TEX9: variants seen among roughly 807,000 people sequenced by gnomAD.
The protein encoded by TEX9 is testis expressed 9.
TEX9 carries 74 observed loss-of-function variants against 59.6 expected under a neutral mutation model. The ratio of observed to expected loss-of-function variants is 1.24; its 90% CI spans 1.03 to 1.51. The LOEUF (loss-of-function observed/expected upper bound fraction) is 1.51. Ranked by LOEUF, TEX9 falls within the 40% of genes most tolerant of loss-of-function variation. The pLI is 0.00. For missense variants in TEX9, 522 were observed against 447.8 expected (o/e 1.17, Z -1.49); for synonymous variants, 186 against 152.2 (o/e 1.22, Z -1.64).
At chr15:56,300,709 GAGAGA>G (rs2045334968) in intron 1 of TEX9, among the ~76,000 whole-genome samples, 16 of 38,772 alleles carry the variant, frequency 4.1e-4, no homozygotes, top group Admixed American at 3.7e-3. Context: ...GAGAGAGAGG[GAGAGA>G]GAGAGAGAGA....
chr15:56,379,808 C>T (rs2047641513), intron 3 of TEX9, among the ~76,000 whole-genome samples: 1 of 149,876 alleles, frequency 6.7e-6, no homozygotes, highest in South Asian at 2.1e-4. Context: ...TTTGTCTCTT[C>T]TTACATTTTT....
intron 1 of TEX9, among the ~76,000 whole-genome samples, chr15:56,340,636 T>C (rs1250694444): frequency 6.6e-6 from 1 of 152,190 alleles, no homozygotes; most frequent in Non-Finnish European, 1.5e-5. Context: ...CTCTATGCTC[T>C]ACTTCCCTTG....
intron 1 of TEX9, among the ~76,000 whole-genome samples, chr15:56,350,680 C>T (rs1377637444): frequency 6.6e-6 from 1 of 152,142 alleles, no homozygotes; most frequent in Non-Finnish European, 1.5e-5. Context: ...CAATCCTGGT[C>T]CCATAAATAT....
At chr15:56,433,004 CAT>C (rs2050639189) in intron 12 of TEX9, among the ~76,000 whole-genome samples, 1 of 152,118 alleles carries the variant, frequency 6.6e-6, no homozygotes, top group Non-Finnish European at 1.5e-5. Context: ...ACGGATGAGA[CAT>C]AAATAAGTCA....
intron 1 of TEX9, among the ~76,000 whole-genome samples, chr15:56,300,179 A>G (rs2045310229): frequency 6.6e-6 from 1 of 151,780 alleles, no homozygotes; most frequent in Non-Finnish European, 1.5e-5. Flanking sequence ...AGCATTCACC[A>G]CAAGCTGAAG....
chr15:56,373,039 T>G (rs1181601224), intron 2 of TEX9, among the ~76,000 whole-genome samples: 1 of 152,156 alleles, frequency 6.6e-6, no homozygotes, highest in African/African-American at 2.4e-5. Flanking sequence ...CCCCATACCG[T>G]GCCCACTTCT....
At chr15:56,265,135 T>C (rs2044350452) in intron 1 of TEX9, among the ~76,000 whole-genome samples, 1 of 152,022 alleles carries the variant, frequency 6.6e-6, no homozygotes, top group African/African-American at 2.4e-5. Flanking sequence ...GATCATTGAT[T>C]TGAGAACTTT....
chr15:56,254,456 TGA>T (rs1266996650), intron 1 of TEX9, among the ~76,000 whole-genome samples: 1 of 151,828 alleles, frequency 6.6e-6, no homozygotes, highest in African/African-American at 2.4e-5. Context: ...CTGTGGATTC[TGA>T]GAGCCAACAG....
chr15:56,250,930 T>C (rs1017158048), intron 1 of TEX9, among the ~76,000 whole-genome samples: 2 of 152,234 alleles, frequency 1.3e-5, no homozygotes, highest in Admixed American at 6.5e-5. Flanking sequence ...GAGTATGATT[T>C]GAATAGCTGG....
exon 6 of TEX9, chr15:56,389,338 T>A: frequency 6.2e-7 from 1 of 1,611,196 alleles, no homozygotes; most frequent in South Asian, 1.1e-5. Flanking sequence ...AAAACATTGA[T>A]CCTGTAAACA....
At chr15:56,257,907 GTTT>G (rs2044179684) in intron 1 of TEX9, among the ~76,000 whole-genome samples, 1 of 152,018 alleles carries the variant, frequency 6.6e-6, no homozygotes, top group Admixed American at 6.6e-5. Context: ...TTCTTCTAGG[GTTT>G]TTATAGTTTT....
At chr15:56,454,922 T>G in the TEX9 span, among the ~76,000 whole-genome samples, 3 of 152,156 alleles carry the variant, frequency 2.0e-5, no homozygotes, top group Non-Finnish European at 4.4e-5. Flanking sequence ...AAACACACAC[T>G]AAAGTGCACA....
At chr15:56,433,768 G>C (rs1274904009) in intron 12 of TEX9, among the ~76,000 whole-genome samples, 2 of 152,050 alleles carry the variant, frequency 1.3e-5, no homozygotes, top group Admixed American at 6.6e-5. Context: ...AGCATGCAGG[G>C]TGTTCATGAT....
downstream of TEX9, among the ~76,000 whole-genome samples, chr15:56,450,755 T>C (rs1256631773): frequency 1.3e-5 from 2 of 152,228 alleles, no homozygotes; most frequent in African/African-American, 2.4e-5. Context: ...TTGAATTTTT[T>C]GTATATTTAT....
chr15:56,296,515 A>G (rs2045222368), intron 1 of TEX9, among the ~76,000 whole-genome samples: 1 of 152,222 alleles, frequency 6.6e-6, no homozygotes, highest in Non-Finnish European at 1.5e-5. Flanking sequence ...TAACATTTAA[A>G]AAGAATTATT....
At chr15:56,260,207 C>T (rs1229914588) in intron 1 of TEX9, among the ~76,000 whole-genome samples, 1 of 151,996 alleles carries the variant, frequency 6.6e-6, no homozygotes, top group Non-Finnish European at 1.5e-5. Context: ...TTCCTTCTTT[C>T]CAACCTCACA....
rs186498092 is a variant in TEX9, at chr15:56,269,683, C to T, written c.-107+25405C>T. On this transcript the variant is annotated intron_variant, in intron 1 of 5. Transcript: ENST00000560827. ...TTTTTTTTTTTTTGAGACGGAGTCT[C>T]GCTCTGTCTCCCAGGCTGGAGTACA... 4.7e-3 allele frequency among the ~76,000 whole-genome samples: 679 copies of T among 143,820 alleles called. 4 individuals are homozygous for T. Among genetic ancestry groups the T allele is most frequent in the African/African-American group, 0.017 (639 of 38,282 alleles). The allele number at this position is 143,820 out of a possible 152,430, so 94.4% of individuals were successfully genotyped here.
intron 2 of TEX9, among the ~76,000 whole-genome samples, chr15:56,372,078 T>C (rs1208888510): frequency 6.6e-6 from 1 of 152,234 alleles, no homozygotes; most frequent in Admixed American, 6.5e-5. Flanking sequence ...ACATTTTATC[T>C]GGCATTTCCA....
intron 10 of TEX9, among the ~76,000 whole-genome samples, chr15:56,425,707 G>A (rs539000956): frequency 6.4e-4 from 97 of 152,210 alleles, no homozygotes; most frequent in African/African-American, 2.1e-3. Flanking sequence ...AGAAGCCTTT[G>A]TTTCTTTAGG....
Sources: gnomAD v4.1 joint callset for allele counts (sites outside exome capture counted in the v4.1 genomes callset) on GRCh38, gnomAD v4.1.1 for gene constraint, MANE v1.5 for transcripts, NCBI Gene and HGNC (gene_info 2026-07-23, HGNC 2026-07-21) for gene names.